IP6K1: variants seen among roughly 807,000 people sequenced by gnomAD.
The protein encoded by IP6K1 is ATP:1D-myo-inositol-hexakisphosphate phosphotransferase.
In IP6K1, 13 loss-of-function variants were observed where a neutral mutation model predicts 38.3. The observed-to-expected ratio is 0.34, with a 90% confidence interval of 0.22 to 0.54. The LOEUF (loss-of-function observed/expected upper bound fraction) is 0.54. Among genes scored for constraint, IP6K1 ranks in the 20% least tolerant of loss-of-function variants. IP6K1 has a pLI of 0.92. For missense variants in IP6K1, 397 were observed against 599.8 expected, an observed-to-expected ratio of 0.66 and a Z score of 3.53; for synonymous variants, 212 against 229.9, an observed-to-expected ratio of 0.92 and a Z score of 0.70.
intron 1 of IP6K1, among the ~76,000 whole-genome samples, chr3:49,755,316 C>T (rs1033738278): frequency 3.3e-5 from 5 of 152,066 alleles, no homozygotes; most frequent in African/African-American, 1.2e-4. Context: ...CAGATTTCCT[C>T]AACATTTCAT....
intron 1 of IP6K1, among the ~76,000 whole-genome samples, chr3:49,765,378 A>T (rs1377886298): frequency 6.6e-6 from 1 of 151,566 alleles, no homozygotes; most frequent in Non-Finnish European, 1.5e-5. Flanking sequence ...GTGGTGGCTC[A>T]CGCCTGTAAT....
rs569126028 is a variant in IP6K1 at position 49,733,033 on chromosome 3, G to A, written c.435-61C>T. 8.0e-5 allele frequency: 102 copies of A among 1,281,074 alleles called. 1 individual carries two copies. The South Asian group carries it at 9.7e-4, about 12-fold the overall frequency. 79.4% of individuals were successfully genotyped at this position (1,281,074 alleles called of 1,614,324 possible). ...CAGGCAAGTCATCCTCTGGGGTCCC[G>A]CTGCACAGGGCACAGATCTGTCCAC... On this transcript the variant is annotated intron_variant, in intron 3 of 5. Coordinates refer to ENST00000321599, the MANE Select transcript of IP6K1 (RefSeq NM_153273.4).
chr3:49,751,771 G>A (rs2080779242), intron 1 of IP6K1, among the ~76,000 whole-genome samples: 1 of 152,118 alleles, frequency 6.6e-6, no homozygotes, highest in East Asian at 1.9e-4. Context: ...GATAATTATT[G>A]CGTAAAATGC....
chr3:49,747,670 GC>G, intron 2 of IP6K1, 147 bp downstream of exon 2: 1 of 988,004 alleles, frequency 1.0e-6, no homozygotes, highest in Non-Finnish European at 1.5e-6. Flanking sequence ...GATGCTTTCA[GC>G]CTCTAATTTT....
At chr3:49,759,034 A>G (rs78128631) in intron 1 of IP6K1, among the ~76,000 whole-genome samples, 213 of 152,054 alleles carry the variant, frequency 1.4e-3, no homozygotes, top group African/African-American at 4.8e-3. Context: ...TGAAACATGA[A>G]TATGTGGGCT....
intron 3 of IP6K1, among the ~76,000 whole-genome samples, chr3:49,735,761 G>T (rs116013172): frequency 3.0e-4 from 46 of 152,306 alleles, no homozygotes; most frequent in Non-Finnish European, 6.2e-4. Flanking sequence ...TGAGTGAGGA[G>T]AACTGGAATG....
chr3:49,730,591 G>A (rs575773154), intron 4 of IP6K1, among the ~76,000 whole-genome samples: 1 of 152,082 alleles, frequency 6.6e-6, no homozygotes, highest in Non-Finnish European at 1.5e-5. Flanking sequence ...CCTTTGCCCA[G>A]GCTGGAGTGC....
intron 1 of IP6K1, among the ~76,000 whole-genome samples, chr3:49,754,336 A>G (rs1233243844): frequency 6.6e-6 from 1 of 151,672 alleles, no homozygotes; most frequent in African/African-American, 2.4e-5. Flanking sequence ...AAATCATGCC[A>G]CAGCACTCCA....
At chr3:49,746,872 A>T (rs1016521034) in intron 2 of IP6K1, among the ~76,000 whole-genome samples, 1 of 152,176 alleles carries the variant, frequency 6.6e-6, no homozygotes, top group African/African-American at 2.4e-5. Flanking sequence ...ACAGAAAGTA[A>T]ACAAGAGGTT....
At chr3:49,735,845 G>T (rs1009557226) in intron 3 of IP6K1, among the ~76,000 whole-genome samples, 1 of 152,344 alleles carries the variant, frequency 6.6e-6, no homozygotes, top group Admixed American at 6.5e-5. Context: ...TATCACAGAT[G>T]AACTATGTAC....
At chr3:49,764,974 T>C (rs568393971) in intron 1 of IP6K1, among the ~76,000 whole-genome samples, 4 of 151,112 alleles carry the variant, frequency 2.6e-5, no homozygotes, top group African/African-American at 2.4e-5. Flanking sequence ...TATGAAACTA[T>C]TGAAACCAAA....
Position 49,727,090 on chromosome 3 carries a change from G to C in IP6K1, c.*32C>G. 8.4e-6 allele frequency: 13 copies of C among 1,549,542 alleles called. No individual in the cohort carries two copies. The highest frequency in any genetic ancestry group is 1.1e-5 in the Non-Finnish European group (13 of 1,145,476). On this transcript the variant is annotated 3_prime_UTR_variant, in exon 6 of 6. Coordinates refer to ENST00000321599, the MANE Select transcript of IP6K1 (RefSeq NM_153273.4). The surrounding 1 kb of genome is among the most constrained non-coding windows in gnomAD (Gnocchi z 5.9). ...AACAATGGTCCCTGCCTGCAGTGGA[G>C]AGGAAGGGGTTCTGGGGGCCCAGAA...
chr3:49,770,474 A>G (rs1002460877), intron 1 of IP6K1, among the ~76,000 whole-genome samples: 33 of 151,898 alleles, frequency 2.2e-4, no homozygotes, highest in African/African-American at 7.7e-4. Flanking sequence ...GGTGGCTCAT[A>G]CCTATAATAC....
chr3:49,781,914 T>C (rs1359238706), intron 1 of IP6K1, among the ~76,000 whole-genome samples: 2 of 150,980 alleles, frequency 1.3e-5, no homozygotes, highest in Non-Finnish European at 2.9e-5. Context: ...AGACATCATG[T>C]CCATTAAAAA....
chr3:49,739,604 C>T (rs553262302), intron 2 of IP6K1, among the ~76,000 whole-genome samples: 12 of 152,202 alleles, frequency 7.9e-5, no homozygotes, highest in Admixed American at 2.0e-4. Context: ...CCACCCGTCT[C>T]GGCCTCCCAA....
rs1170334016 is a variant in IP6K1 at position 49,727,680 on chromosome 3, G to A, written c.793-25C>T. On this transcript the variant is annotated intron_variant, in intron 5 of 5. Coordinates refer to ENST00000321599, the MANE Select transcript of IP6K1 (RefSeq NM_153273.4). This position sits in a 1 kb window ranked among gnomAD's most constrained non-coding sequence, Gnocchi z 5.9. ...CCTGAAACCCCAGGAGGCAGACAGG[G>A]TGAGTGCCAGGGAAGTCTGAAGAGC... The A allele has an allele frequency of 6.2e-7, 1 of 1,604,102 alleles. No homozygotes were observed. The highest frequency in any genetic ancestry group is 8.5e-7 in the Non-Finnish European group (1 of 1,173,762).
chr3:49,785,210 G>A (rs1325723035), intron 1 of IP6K1, among the ~76,000 whole-genome samples: 1 of 152,122 alleles, frequency 6.6e-6, no homozygotes, highest in Non-Finnish European at 1.5e-5. Context: ...TTTTAGTACT[G>A]TTAAAAGTTA....
At chr3:49,753,111 C>A (rs7372725) in intron 1 of IP6K1, among the ~76,000 whole-genome samples, 78,613 of 151,806 alleles carry the variant, frequency 0.52, 21,390 homozygotes, top group East Asian at 0.83. Flanking sequence ...AGTCCACAAG[C>A]TCTGCATTCC....
At chr3:49,759,921 G>A (rs1195752950) in intron 1 of IP6K1, among the ~76,000 whole-genome samples, 1 of 151,976 alleles carries the variant, frequency 6.6e-6, no homozygotes, top group East Asian at 1.9e-4. Flanking sequence ...TCTTTCTTTC[G>A]AGACAGGGTC....
Sources: gnomAD v4.1 joint callset for allele counts (sites outside exome capture counted in the v4.1 genomes callset) on GRCh38, gnomAD v4.1.1 for gene constraint, Gnocchi (gnomAD v3.1) non-coding constraint, MANE v1.5 for transcripts, NCBI Gene and HGNC (gene_info 2026-07-23, HGNC 2026-07-21) for gene names.